Variants in DNAJB4 observed in about 807,000 individuals in gnomAD.
The protein encoded by DNAJB4 is dnaJ homolog subfamily B member 4.
Under a neutral mutation model 26.6 loss-of-function variants are expected in DNAJB4, and 10 were observed. That is an observed-to-expected ratio of 0.38 (90% confidence interval 0.23 to 0.64). DNAJB4 has a LOEUF of 0.64. DNAJB4 is among the 30% of genes least tolerant of loss of function. The pLI, the probability that DNAJB4 is intolerant of heterozygous loss-of-function variation, is 0.58. For missense variants in DNAJB4, 328 were observed against 408.2 expected, an observed-to-expected ratio of 0.80 and a Z score of 1.69; for synonymous variants, 136 against 134.8, an observed-to-expected ratio of 1.01 and a Z score of -0.06.
At chr1:78,002,110 A>AT (rs920324380), upstream of DNAJB4, among the ~76,000 whole-genome samples, 74 of 152,040 alleles carry the variant, frequency 4.9e-4, no homozygotes, top group African/African-American at 1.7e-3. Context: ...ATTTCTATGT[A>AT]TTTTTTTGGT....
rs1025817547 is a variant in DNAJB4 at position 78,012,532 on chromosome 1, G to A, written c.212-519G>A. On this transcript the variant is annotated intron_variant, in intron 1 of 2. Transcript: ENST00000370763. Reference sequence around the variant, plus strand: ...AAATATTAGAGATGCTGATTTGGCCGGAAGCAGTGGCTCACACTTGTAATT... The same window carrying A: ...AAATATTAGAGATGCTGATTTGGCCAGAAGCAGTGGCTCACACTTGTAATT... 4.6e-5 allele frequency among the ~76,000 whole-genome samples: 7 copies of A among 151,968 alleles called. No homozygotes were observed. The South Asian group carries it at 6.2e-4, about 14-fold the overall frequency.
intron 1 of DNAJB4, among the ~76,000 whole-genome samples, chr1:77,985,644 G>A (rs1304026461): frequency 6.6e-6 from 1 of 151,980 alleles, no homozygotes. Flanking sequence ...TAACAACCTT[G>A]CTCCTTAACT....
chr1:77,979,338 C>A (rs973844765), upstream of DNAJB4: 1 of 284,570 alleles, frequency 3.5e-6, no homozygotes, highest in Non-Finnish European at 6.7e-6. Flanking sequence ...GTGATAGTGG[C>A]CAGTTGACTG....
intron 1 of DNAJB4, among the ~76,000 whole-genome samples, chr1:77,984,460 C>CT (rs1045953892): frequency 4.7e-5 from 7 of 150,062 alleles, no homozygotes; most frequent in South Asian, 2.1e-4. Context: ...TTCTTTCTTT[C>CT]TTTTTTTTTC....
intron 2 of DNAJB4, among the ~76,000 whole-genome samples, 187 bp from the exon 3 acceptor site, chr1:78,015,827 G>A (rs1964711): frequency 0.14 from 21,475 of 151,888 alleles, 1,622 homozygotes; most frequent in South Asian, 0.27. Flanking sequence ...GAGATTACAG[G>A]TGTGAGCCAC....
At chr1:78,000,331 C>G (rs1265481379), upstream of DNAJB4, among the ~76,000 whole-genome samples, 2 of 152,126 alleles carry the variant, frequency 1.3e-5, no homozygotes, top group Non-Finnish European at 2.9e-5. Flanking sequence ...TTAATCCTCA[C>G]AACAATCCTA....
chr1:77,983,665 T>C (rs1340028247), intron 1 of DNAJB4, among the ~76,000 whole-genome samples: 1 of 152,224 alleles, frequency 6.6e-6, no homozygotes, highest in Non-Finnish European at 1.5e-5. Flanking sequence ...CATTTAACTC[T>C]GAGTTGACAC....
At position 78,005,029 on chromosome 1, in the gene DNAJB4, T is replaced by C. The variant is rs1238066665; in HGVS notation, c.-82T>C. 2 of 1,419,112 alleles carry C rather than the reference T, an allele frequency of 1.4e-6. No individual in the cohort carries two copies. The highest frequency in any genetic ancestry group is 2.1e-5 in the Admixed American group (1 of 46,922). 87.9% of individuals were successfully genotyped at this position (1,419,112 alleles called of 1,614,324 possible). ...TTTTAAAATACCCAGCTTGGTTTAT[T>C]TTTCTTAGAATCTGTTGCTAAGACT... On this transcript the variant is annotated 5_prime_UTR_variant, in exon 1 of 3. Transcript: ENST00000370763.
intron 1 of DNAJB4, among the ~76,000 whole-genome samples, chr1:77,981,488 A>G (rs892447878): frequency 1.3e-5 from 2 of 151,860 alleles, no homozygotes; most frequent in African/African-American, 4.8e-5. Flanking sequence ...TGATTTTTGT[A>G]TTTTTAGTAG....
chr1:77,986,639 C>T (rs1175534195), intron 1 of DNAJB4, among the ~76,000 whole-genome samples: 1 of 152,242 alleles, frequency 6.6e-6, no homozygotes, highest in Non-Finnish European at 1.5e-5. Flanking sequence ...CCATTTGCTA[C>T]TTCAGTGACC....
rs1660674843 is a variant in DNAJB4, at chr1:78,017,681, C to T, written c.*1434C>T. Reference sequence around the variant, plus strand: ...ACTTCCCATTCTTCCCTTCCTCCAGCCCCTGAAAACACTACCATCTACTTT... The same window carrying T: ...ACTTCCCATTCTTCCCTTCCTCCAGTCCCTGAAAACACTACCATCTACTTT... On this transcript the variant is annotated 3_prime_UTR_variant, in exon 3 of 3. Coordinates refer to ENST00000370763, the MANE Select transcript of DNAJB4 (RefSeq NM_007034.5). 1 of 152,040 alleles carries T rather than the reference C, an allele frequency of 6.6e-6. No individual in the cohort carries two copies. The highest frequency in any genetic ancestry group is 2.4e-5 in the African/African-American group (1 of 41,424). 9.4% of individuals were successfully genotyped at this position (152,040 alleles called of 1,614,324 possible).
Position 78,016,082 on chromosome 1 carries a change from T to A in DNAJB4, c.849T>A (p.Asp283Glu), listed in dbSNP as rs753917342. ...GAAACATACCTATGTCAGTAAATGATATTGTGAAACCCGGAATGAGGAGAA... is the reference window on the plus strand; with the variant it reads ...GAAACATACCTATGTCAGTAAATGAAATTGTGAAACCCGGAATGAGGAGAA... Reference protein sequence around the residue: ...DGRNIPMSVNDIVKPGMRRRI... With the variant: ...DGRNIPMSVNEIVKPGMRRRI... The change falls in exon 3 of 3, where the codon GAT (aspartate) becomes GAA (glutamate). Residue 283 changes from aspartate (D) to glutamate (E), a missense_variant. Physicochemically the swap from Asp to Glu is conservative, Grantham distance 45. Coordinates refer to ENST00000370763, the MANE Select transcript of DNAJB4 (RefSeq NM_007034.5). 1.2e-6 allele frequency: 2 copies of A among 1,613,996 alleles called. No individual in the cohort carries two copies. The highest frequency in any genetic ancestry group is 1.7e-6 in the Non-Finnish European group (2 of 1,180,028).
intron 1 of DNAJB4, among the ~76,000 whole-genome samples, chr1:77,981,666 G>A (rs984739727): frequency 6.6e-6 from 1 of 152,124 alleles, no homozygotes; most frequent in Admixed American, 6.5e-5. Flanking sequence ...TTGAGACAAA[G>A]GTTCTTTGTG....
chr1:77,988,039 C>CG (rs1659840145), intron 1 of DNAJB4, among the ~76,000 whole-genome samples: 1 of 137,560 alleles, frequency 7.3e-6, no homozygotes, highest in South Asian at 2.5e-4. Context: ...ATTTCCCCCC[C>CG]CCCCCAGACA....
At chr1:77,987,725 G>T (rs988623208) in intron 1 of DNAJB4, among the ~76,000 whole-genome samples, 5 of 152,048 alleles carry the variant, frequency 3.3e-5, no homozygotes, top group African/African-American at 1.2e-4. Flanking sequence ...AGGAAATCCT[G>T]TTGACTCTAC....
chr1:77,981,999 C>T (rs957449653), intron 1 of DNAJB4, among the ~76,000 whole-genome samples: 44 of 152,128 alleles, frequency 2.9e-4, no homozygotes, highest in Non-Finnish European at 5.7e-4. Flanking sequence ...GACAACACTC[C>T]CAGCTTTCCA....
chr1:78,013,008 G>T, intron 1 of DNAJB4, 43 bp from the exon 2 acceptor site: 1 of 1,494,814 alleles, frequency 6.7e-7, no homozygotes, highest in Non-Finnish European at 8.9e-7. Context: ...TAACTTTTAA[G>T]AGTTGCAAGC....
chr1:78,014,816 G>T (rs182448090), intron 2 of DNAJB4, among the ~76,000 whole-genome samples: 1 of 151,954 alleles, frequency 6.6e-6, no homozygotes, highest in Non-Finnish European at 1.5e-5. Flanking sequence ...GGCCAGGCTC[G>T]TCTTGAACTC....
At chr1:78,009,342 G>A (rs1401356812) in intron 1 of DNAJB4, among the ~76,000 whole-genome samples, 1 of 152,050 alleles carries the variant, frequency 6.6e-6, no homozygotes, top group Non-Finnish European at 1.5e-5. Context: ...GAAACTTTTA[G>A]TCAACCTTAA....
Sources: gnomAD v4.1 joint callset for allele counts (sites outside exome capture counted in the v4.1 genomes callset) on GRCh38, gnomAD v4.1.1 for gene constraint, MANE v1.5 for transcripts, NCBI Gene and HGNC (gene_info 2026-07-23, HGNC 2026-07-21) for gene names.